The following KMT2E variants were observed in gnomAD, a reference collection of about 807,000 sequenced individuals.
KMT2E encodes the protein histone reader KMT2E.
A neutral mutation model predicts 184.6 loss-of-function variants in KMT2E; 30 were observed. That is an observed-to-expected ratio of 0.16 (90% CI 0.12 to 0.22). KMT2E has a LOEUF of 0.22. KMT2E is among the 10% of genes least tolerant of loss of function. KMT2E has a pLI of 1.00. For synonymous variants in KMT2E, 815 were observed against 776.5 expected, an observed-to-expected ratio of 1.05 and a Z score of -0.82; for missense variants, 2,023 against 2,237.4, an observed-to-expected ratio of 0.90 and a Z score of 1.93.
At chr7:105,034,463 C>T (rs1423969882) in intron 1 of KMT2E, among the ~76,000 whole-genome samples, 1 of 152,018 alleles carries the variant, frequency 6.6e-6, no homozygotes, top group Non-Finnish European at 1.5e-5. Flanking sequence ...AACTCCTGGC[C>T]TCACGTGATC....
In KMT2E at chr7:105,114,222, T is replaced by TG. The variant is rs1799492497; in HGVS notation, c.*890dup. ...TCAGCAACAGGAGGCAGCAAGGGGC[T>TG]GTTCCTGTGGTGGTTTCTGTTTGCA... On this transcript the variant is annotated 3_prime_UTR_variant, in exon 27 of 27. Transcript: ENST00000311117. 1 of 152,216 alleles carries TG rather than the reference T, an allele frequency of 6.6e-6. No individual in the cohort carries two copies. The highest frequency in any genetic ancestry group is 1.5e-5 in the Non-Finnish European group (1 of 68,032). 9.4% of individuals were successfully genotyped at this position (152,216 alleles called of 1,614,324 possible).
chr7:105,070,698 A>T (rs1447339211), intron 6 of KMT2E, among the ~76,000 whole-genome samples: 1 of 150,116 alleles, frequency 6.7e-6, no homozygotes, highest in Non-Finnish European at 1.5e-5. Flanking sequence ...CTGTGGTCCC[A>T]GCTCTTTGGG....
At chr7:105,016,758 G>A (rs563290023) in intron 1 of KMT2E, among the ~76,000 whole-genome samples, 1 of 152,294 alleles carries the variant, frequency 6.6e-6, no homozygotes, top group Non-Finnish European at 1.5e-5. Context: ...AGGTTGAAGA[G>A]TATACACTGT....
Position 105,112,980 on chromosome 7 carries a change from C to A in KMT2E, c.5224C>A (p.Pro1742Thr). 6 of 1,614,054 alleles carry A rather than the reference C, an allele frequency of 3.7e-6. No individual in the cohort carries two copies. Among genetic ancestry groups the A allele is most frequent in the Non-Finnish European group, 5.1e-6 (6 of 1,180,006 alleles). The change falls in exon 27 of 27, where the codon CCA becomes ACA. Residue 1742 changes from proline to threonine, a missense_variant. Pro to Thr is a conservative substitution (Grantham distance 38). Coordinates refer to ENST00000311117, the MANE Select transcript of KMT2E (RefSeq NM_182931.3). ...HTTSAQALHH[P>T]PHQGPPLFPS... ...CACATCAGCTCAAGCCTTACACCAC[C>A]CACCTCATCAAGGACCTCCACTTTT... is the stretch of plus-strand genomic sequence containing the variant.
intron 1 of KMT2E, among the ~76,000 whole-genome samples, chr7:105,026,155 C>CTCCTGTATATA (rs1562876068): frequency 6.6e-6 from 1 of 152,124 alleles, no homozygotes; most frequent in African/African-American, 2.4e-5. Context: ...AACATCTAGT[C>CTCCTGTATATA]TCCTGTATAT....
chr7:105,087,712 C>T (rs1798041429), intron 13 of KMT2E, among the ~76,000 whole-genome samples: 1 of 151,932 alleles, frequency 6.6e-6, no homozygotes, highest in African/African-American at 2.4e-5. Context: ...GCGTGAATTA[C>T]CACGCCCAGC....
At chr7:105,020,411 T>C (rs1794900318) in intron 1 of KMT2E, among the ~76,000 whole-genome samples, 1 of 151,908 alleles carries the variant, frequency 6.6e-6, no homozygotes, top group Admixed American at 6.6e-5. Context: ...GCCAACATGG[T>C]GAAACCCCAT....
At chr7:105,040,681 T>A (rs1795842006) in intron 2 of KMT2E, among the ~76,000 whole-genome samples, 158 bp from the exon 3 acceptor site, 1 of 152,334 alleles carries the variant, frequency 6.6e-6, no homozygotes, top group East Asian at 1.9e-4. Context: ...TTTCTTTTGA[T>A]CATGATCACA....
chr7:105,050,081 A>G (rs1796267154), intron 3 of KMT2E, among the ~76,000 whole-genome samples: 1 of 152,094 alleles, frequency 6.6e-6, no homozygotes, highest in Non-Finnish European at 1.5e-5. Flanking sequence ...TGTAAATATA[A>G]CAGAATTATT....
At chr7:105,053,515 T>G (rs1229023547) in intron 3 of KMT2E, among the ~76,000 whole-genome samples, 1 of 152,146 alleles carries the variant, frequency 6.6e-6, no homozygotes, top group Non-Finnish European at 1.5e-5. Context: ...AACTCTAAAG[T>G]CTATATAAAG....
Position 105,088,743 on chromosome 7 carries a change from CA to C in KMT2E, c.1359-1264del, listed in dbSNP as rs1227030303. Reference sequence around the variant, plus strand: ...CACTTACTAACTGTGTAACATTGGACAAGATGCTAATCCTCAGTGAGTTTTA... The same window carrying C: ...CACTTACTAACTGTGTAACATTGGACAGATGCTAATCCTCAGTGAGTTTTA... On this transcript the variant is annotated intron_variant, in intron 13 of 26. Transcript: ENST00000311117. Among the ~76,000 whole-genome samples, 5 of 152,258 alleles carry C rather than the reference CA, an allele frequency of 3.3e-5. No individual in the cohort carries two copies. The East Asian group carries it at 7.7e-4, about 24-fold the overall frequency.
At chr7:105,045,835 A>G (rs1443869589) in intron 3 of KMT2E, among the ~76,000 whole-genome samples, 1 of 152,218 alleles carries the variant, frequency 6.6e-6, no homozygotes, top group Non-Finnish European at 1.5e-5. Flanking sequence ...AGGTCATAAC[A>G]TAATTCCACA....
chr7:105,103,752 C>CTGTGTGTGTGTGTGTG (rs563081813), intron 17 of KMT2E: 1 of 139,566 alleles, frequency 7.2e-6, no homozygotes, highest in African/African-American at 2.7e-5. Flanking sequence ...GTGTGTGTTT[C>CTGTGTGTGTGTGTGTG]TGTGTGTGTG....
In KMT2E at chr7:105,040,823, CT is replaced by C; in HGVS notation, c.-114-12del. ...AGTGTGACTGTTGCTTTTTTGTCTC[CT>C]TTTCTTTTAAACAGGGTTTGTGGAT... On this transcript the variant is annotated splice_polypyrimidine_tract_variant and intron_variant, in intron 2 of 26. Transcript: ENST00000311117. 1 of 518,644 alleles carries C rather than the reference CT, an allele frequency of 1.9e-6. No individual in the cohort carries two copies. Among genetic ancestry groups the C allele is most frequent in the Non-Finnish European group, 3.5e-6 (1 of 288,636 alleles). 32.1% of individuals were successfully genotyped at this position (518,644 alleles called of 1,614,324 possible).
At chr7:105,056,523 C>T (rs1253779075) in intron 3 of KMT2E, among the ~76,000 whole-genome samples, 2 of 152,184 alleles carry the variant, frequency 1.3e-5, no homozygotes, top group South Asian at 4.1e-4. Context: ...GTATTGTCTT[C>T]CTCCAGCATT....
In KMT2E at chr7:105,113,600, CTTT is replaced by C. The variant is rs35249094; in HGVS notation, c.*279_*281del. 135 of 204,484 alleles carry C rather than the reference CTTT, an allele frequency of 6.6e-4. No homozygotes were observed. Among genetic ancestry groups the C allele is most frequent in the East Asian group, 3.5e-3 (30 of 8,582 alleles). The allele number at this position is 204,484 out of a possible 1,614,324, so 12.7% of individuals were successfully genotyped here. On this transcript the variant is annotated 3_prime_UTR_variant, in exon 27 of 27. Coordinates refer to ENST00000311117, the MANE Select transcript of KMT2E (RefSeq NM_182931.3). The stretch of plus-strand genomic sequence containing the variant: ...TGATGCTGATTTGATGCTGTATGAT[CTTT>C]TTTTTTTTTTTAGTTAAATTCATTT...
intron 6 of KMT2E, among the ~76,000 whole-genome samples, chr7:105,069,398 A>G (rs1346750702): frequency 6.6e-6 from 1 of 152,362 alleles, no homozygotes; most frequent in East Asian, 1.9e-4. Flanking sequence ...ATCCTACACA[A>G]GAATATAATA....
rs1055862418 is a variant in KMT2E at position 105,014,211 on chromosome 7, A to C, written c.-513A>C. The C allele has an allele frequency of 1.5e-5, 3 of 199,588 alleles. No individual in the cohort carries two copies. The highest frequency in any genetic ancestry group is 2.9e-5 in the Non-Finnish European group (3 of 103,644). The allele number at this position is 199,588 out of a possible 1,614,324, so 12.4% of individuals were successfully genotyped here. A position where few individuals can be genotyped will look rare whatever the true frequency, so the allele number is the denominator to read the frequency against. On this transcript the variant is annotated 5_prime_UTR_variant, in exon 1 of 27. Coordinates refer to ENST00000311117, the MANE Select transcript of KMT2E (RefSeq NM_182931.3). Reference sequence around the variant, plus strand: ...CCGCCGCCGCCATTTTCCCAGAGCGAGAGGCAGTGACACTGAGCGGGCGCA... The same window carrying C: ...CCGCCGCCGCCATTTTCCCAGAGCGCGAGGCAGTGACACTGAGCGGGCGCA...
At chr7:105,019,280 G>A (rs540045247) in intron 1 of KMT2E, among the ~76,000 whole-genome samples, 203 of 152,182 alleles carry the variant, frequency 1.3e-3, no homozygotes, top group African/African-American at 4.5e-3. Context: ...TATATTTCAC[G>A]AGATAACATG....
Sources: allele counts gnomAD v4.1 joint callset (sites outside exome capture counted in the v4.1 genomes callset), GRCh38; gene constraint gnomAD v4.1.1; transcripts MANE v1.5; gene names NCBI Gene and HGNC (gene_info 2026-07-23, HGNC 2026-07-21).